Variants in ARHGAP32 observed in about 807,000 individuals in gnomAD.
ARHGAP32 encodes the protein Rho GTPase activating protein 32.
In ARHGAP32, 51 loss-of-function variants were observed where a neutral mutation model predicts 186.5. The ratio of observed to expected loss-of-function variants is 0.27; its 90% CI spans 0.22 to 0.35. The LOEUF (loss-of-function observed/expected upper bound fraction) is 0.35. Ranked by LOEUF, ARHGAP32 falls within the 10% of genes least tolerant of loss-of-function variation. The pLI is 1.00. For synonymous variants in ARHGAP32, 950 were observed against 964.3 expected (o/e 0.99, Z 0.27); for missense variants, 2,186 against 2,623.5 (o/e 0.83, Z 3.64).
chr11:129,100,231 A>T (rs563006002), intron 5 of ARHGAP32, among the ~76,000 whole-genome samples: 4 of 152,286 alleles, frequency 2.6e-5, no homozygotes, highest in African/African-American at 9.6e-5. Context: ...GCTTTACTTC[A>T]AGGGGAACTG....
chr11:129,108,563 G>A (rs1236100260), intron 5 of ARHGAP32, among the ~76,000 whole-genome samples: 1 of 152,134 alleles, frequency 6.6e-6, no homozygotes, highest in East Asian at 1.9e-4. Flanking sequence ...TTTCGATAAT[G>A]TATAGGCTAG....
At chr11:129,004,124 G>A (rs576892564) in intron 11 of ARHGAP32, among the ~76,000 whole-genome samples, 19 of 151,532 alleles carry the variant, frequency 1.3e-4, no homozygotes, top group Admixed American at 6.6e-4. Context: ...TTGACTCACC[G>A]TCTTTCAGGA....
intron 1 of ARHGAP32, among the ~76,000 whole-genome samples, chr11:129,206,431 C>G (rs985609821): frequency 6.6e-5 from 10 of 152,128 alleles, no homozygotes; most frequent in African/African-American, 2.2e-4. Flanking sequence ...CGGCTGGTCT[C>G]AAACTCCTGG....
At chr11:129,259,784 T>C (rs1945298564) in intron 1 of ARHGAP32, among the ~76,000 whole-genome samples, 1 of 152,224 alleles carries the variant, frequency 6.6e-6, no homozygotes, top group Non-Finnish European at 1.5e-5. Flanking sequence ...ACTATCACTT[T>C]GGGATATGAA....
intron 15 of ARHGAP32, among the ~76,000 whole-genome samples, chr11:128,983,464 A>T (rs2136110517): frequency 6.6e-6 from 1 of 151,384 alleles, no homozygotes; most frequent in East Asian, 1.9e-4. Flanking sequence ...TGGACACAAG[A>T]AGGGGAACAT....
At chr11:129,008,025 A>C (rs906455573) in intron 11 of ARHGAP32, among the ~76,000 whole-genome samples, 2 of 152,110 alleles carry the variant, frequency 1.3e-5, no homozygotes, top group Non-Finnish European at 2.9e-5. Flanking sequence ...GCAAAGTCCC[A>C]AAATTCCTAA....
chr11:129,228,123 T>C (rs951390997), intron 1 of ARHGAP32, among the ~76,000 whole-genome samples: 2 of 152,028 alleles, frequency 1.3e-5, no homozygotes, highest in African/African-American at 2.4e-5. Flanking sequence ...CACTCCTAAA[T>C]AATAGGTCAA....
At chr11:129,023,989 A>G in intron 11 of ARHGAP32, 1 of 985,410 alleles carries the variant, frequency 1.0e-6, no homozygotes, top group South Asian at 4.7e-5. Context: ...TCATAATCCA[A>G]CTGGTTCCAA....
rs1430502229 is a variant in ARHGAP32 at position 128,965,389 on chromosome 11, A to G, written c.*3518T>C. The G allele has an allele frequency of 6.6e-6, 1 of 152,216 alleles. No homozygotes were observed. The highest frequency in any genetic ancestry group is 1.5e-5 in the Non-Finnish European group (1 of 68,046). 9.4% of individuals were successfully genotyped at this position (152,216 alleles called of 1,614,324 possible). On this transcript the variant is annotated 3_prime_UTR_variant, in exon 23 of 23. Transcript: ENST00000682385. ...TAAGACATAAAAAAACACTATATAA[A>G]TTAAAATTAAAAACTCAAAAGTATG...
chr11:129,149,715 T>C (rs1943247103), intron 2 of ARHGAP32, among the ~76,000 whole-genome samples: 1 of 151,948 alleles, frequency 6.6e-6, no homozygotes, highest in African/African-American at 2.4e-5. Context: ...TCTGGGAATA[T>C]GACACAACAG....
intron 6 of ARHGAP32, among the ~76,000 whole-genome samples, chr11:129,076,427 C>A (rs945337590): frequency 6.6e-6 from 1 of 152,108 alleles, no homozygotes; most frequent in South Asian, 2.1e-4. Context: ...GGATCAGGAC[C>A]TCTTTTCAGT....
At chr11:129,196,082 G>C (rs930873326), upstream of ARHGAP32, among the ~76,000 whole-genome samples, 3 of 152,148 alleles carry the variant, frequency 2.0e-5, no homozygotes, top group Non-Finnish European at 4.4e-5. Context: ...GGAACCTGAG[G>C]GGAAGGGAAA....
At chr11:129,166,556 G>T (rs1385228014) in intron 1 of ARHGAP32, among the ~76,000 whole-genome samples, 1 of 151,534 alleles carries the variant, frequency 6.6e-6, no homozygotes, top group African/African-American at 2.4e-5. Flanking sequence ...ATTACAATGG[G>T]AGAAGACATT....
intron 1 of ARHGAP32, among the ~76,000 whole-genome samples, chr11:129,181,279 C>T (rs1029596458): frequency 5.9e-5 from 9 of 152,158 alleles, no homozygotes; most frequent in Non-Finnish European, 8.8e-5. Context: ...TATCTACTCT[C>T]TATTAGCAAC....
intron 2 of ARHGAP32, among the ~76,000 whole-genome samples, chr11:129,132,743 T>C (rs879461890): frequency 1.3e-5 from 2 of 152,098 alleles, no homozygotes; most frequent in Non-Finnish European, 2.9e-5. Context: ...CATAGGAAAA[T>C]ACAACCTAGA....
intron 2 of ARHGAP32, among the ~76,000 whole-genome samples, chr11:129,152,284 AC>A (rs1366711636): frequency 3.3e-5 from 5 of 152,214 alleles, no homozygotes; most frequent in African/African-American, 1.2e-4. Flanking sequence ...AGATGTTTTC[AC>A]AGCTGAATTC....
Position 128,967,310 on chromosome 11 carries a change from T to C in ARHGAP32, c.*1597A>G, listed in dbSNP as rs1247355809. Reference sequence around the variant, plus strand: ...TTCCTCCTTTGCTCTAAATAAAAATTAATTTCAAGTTCTAAAAAGCCAGAG... The same window carrying C: ...TTCCTCCTTTGCTCTAAATAAAAATCAATTTCAAGTTCTAAAAAGCCAGAG... On this transcript the variant is annotated 3_prime_UTR_variant, in exon 23 of 23. Coordinates refer to ENST00000682385, the MANE Select transcript of ARHGAP32 (RefSeq NM_001378024.1). 2 of 152,230 alleles carry C rather than the reference T, an allele frequency of 1.3e-5. No homozygotes were observed. The highest frequency in any genetic ancestry group is 2.9e-5 in the Non-Finnish European group (2 of 68,040). 9.4% of individuals were successfully genotyped at this position (152,230 alleles called of 1,614,324 possible). A position where few individuals can be genotyped will look rare whatever the true frequency, so the allele number is the denominator to read the frequency against.
intron 1 of ARHGAP32, among the ~76,000 whole-genome samples, chr11:129,229,828 T>C (rs1944834317): frequency 6.6e-6 from 1 of 152,110 alleles, no homozygotes; most frequent in African/African-American, 2.4e-5. Context: ...GCAACAATTT[T>C]TTTGGGGGTG....
chr11:129,210,856 CCA>C (rs1944570634), intron 1 of ARHGAP32, among the ~76,000 whole-genome samples: 2 of 152,062 alleles, frequency 1.3e-5, no homozygotes, highest in Admixed American at 1.3e-4. Flanking sequence ...ACTATTTTTC[CCA>C]CACTTTTTGG....
Sources: allele counts gnomAD v4.1 joint callset (sites outside exome capture counted in the v4.1 genomes callset), GRCh38; gene constraint gnomAD v4.1.1; transcripts MANE v1.5; gene names NCBI Gene and HGNC (gene_info 2026-07-23, HGNC 2026-07-21).